Variants in OPRM1 observed in about 807,000 individuals in gnomAD.
OPRM1 encodes mu-type opioid receptor.
A neutral mutation model predicts 31.8 loss-of-function variants in OPRM1; 27 were observed. The observed-to-expected ratio is 0.85, with a 90% CI of 0.63 to 1.17. The LOEUF (loss-of-function observed/expected upper bound fraction) is 1.17. Ranked by LOEUF, OPRM1 falls within the 50% of genes most tolerant of loss-of-function variation. OPRM1 has a pLI of 0.00. For missense variants in OPRM1, 536 were observed against 511.1 expected, an observed-to-expected ratio of 1.05 and a Z score of -0.47; for synonymous variants, 196 against 189.9, an observed-to-expected ratio of 1.03 and a Z score of -0.26.
At chr6:154,211,640 G>A (rs1235367746) in intron 3 of OPRM1, among the ~76,000 whole-genome samples, 2 of 152,046 alleles carry the variant, frequency 1.3e-5, no homozygotes, top group African/African-American at 4.8e-5. Context: ...TGAAGGTGAT[G>A]GATAAATCTG....
intron 1 of OPRM1, chr6:154,086,733 A>G: frequency 2.0e-6 from 2 of 985,418 alleles, no homozygotes; most frequent in Non-Finnish European, 2.4e-6. Context: ...CTTAACATAA[A>G]ACACCATTAA....
In OPRM1 at chr6:154,090,831, T is replaced by C. The variant is rs1183268180; in HGVS notation, c.644-121T>C. Reference sequence around the variant, plus strand: ...ACAACTGAGTTTCTTCCACAATTTCTTTATAGCCTTAAGTTAGCTCTGGTC... The same window carrying C: ...ACAACTGAGTTTCTTCCACAATTTCCTTATAGCCTTAAGTTAGCTCTGGTC... On this transcript the variant is annotated intron_variant, in intron 2 of 3. Transcript: ENST00000330432. 1 of 815,912 alleles carries C rather than the reference T, an allele frequency of 1.2e-6. No homozygotes were observed. Among genetic ancestry groups the C allele is most frequent in the Non-Finnish European group, 1.9e-6 (1 of 518,784 alleles). The allele number at this position is 815,912 out of a possible 1,614,324, so 50.5% of individuals were successfully genotyped here.
At chr6:154,054,485 G>A (rs1782840607) in intron 1 of OPRM1, among the ~76,000 whole-genome samples, 1 of 152,074 alleles carries the variant, frequency 6.6e-6, no homozygotes, top group East Asian at 1.9e-4. Context: ...CTACCATGCA[G>A]CCAAGATCAA....
Position 154,122,175 on chromosome 6 carries a change from T to C in OPRM1, c.*3454T>C, listed in dbSNP as rs939096173. ...GCCACACACACACAAGTTGTGTTTG[T>C]ACAATTCTTGAGGTCAATCAGAACC... On this transcript the variant is annotated 3_prime_UTR_variant, in exon 4 of 4. Transcript: ENST00000330432. Among the ~76,000 whole-genome samples, 3 of 152,212 alleles carry C rather than the reference T, an allele frequency of 2.0e-5. No individual in the cohort carries two copies. The South Asian group carries it at 6.2e-4, about 31-fold the overall frequency.
At chr6:154,194,165 C>T (rs947125315) in intron 3 of OPRM1, among the ~76,000 whole-genome samples, 1 of 152,032 alleles carries the variant, frequency 6.6e-6, no homozygotes, top group Non-Finnish European at 1.5e-5. Context: ...TTTGGGAGGC[C>T]GAGGCGGGTG....
intron 1 of OPRM1, among the ~76,000 whole-genome samples, chr6:154,031,580 C>CA (rs562279254): frequency 9.4e-4 from 136 of 144,586 alleles, no homozygotes; most frequent in Admixed American, 3.9e-3. Context: ...ACTAAAAATA[C>CA]AAAAAAAAAA....
At chr6:154,155,762 C>G (rs1410031333) in intron 3 of OPRM1, 1 of 151,890 alleles carries the variant, frequency 6.6e-6, no homozygotes, top group Non-Finnish European at 1.5e-5. Context: ...GCCTGGGCAA[C>G]AGAGCAAGAC....
rs76678132 is a variant in OPRM1 at position 154,132,146 on chromosome 6, A to G, written c.*13425A>G. Among the ~76,000 whole-genome samples the G allele has an allele frequency of 3.5e-3, 538 of 152,344 alleles. 1 individual carries two copies. Among genetic ancestry groups the G allele is most frequent in the African/African-American group, 0.012 (513 of 41,574 alleles). On this transcript the variant is annotated 3_prime_UTR_variant, in exon 4 of 4. Coordinates refer to ENST00000330432, the MANE Select transcript of OPRM1 (RefSeq NM_000914.5). ...TGTGCAGATCAAAATGTCAACTAGT[A>G]TATCAAACAGTGAGCAATTCACTAA...
chr6:154,212,952 T>C (rs143644214), intron 3 of OPRM1: 1 of 813,428 alleles, frequency 1.2e-6, no homozygotes, highest in Admixed American at 2.1e-5. Flanking sequence ...TATTGCAATT[T>C]CAATCCAATT....
chr6:154,112,147 G>A (rs778866993), intron 3 of OPRM1, among the ~76,000 whole-genome samples: 23 of 152,188 alleles, frequency 1.5e-4, no homozygotes, highest in Non-Finnish European at 2.2e-4. Context: ...TCTAACATAT[G>A]TGTCTAAGTA....
At position 154,020,618 on chromosome 6, in the gene OPRM1, G is replaced by A. The variant is rs574186989; in HGVS notation, c.-1+9600G>A. On this transcript the variant is annotated intron_variant, in intron 1 of 5. Transcript: ENST00000434900. ...TATGGCATTTGGGATTTTGTCTTTC[G>A]GATTATGATCGGCACTGTGAACAGC... Among the ~76,000 whole-genome samples the A allele has an allele frequency of 1.8e-4, 28 of 152,234 alleles. 1 individual carries two copies. The highest frequency in any genetic ancestry group is 1.4e-3 in the Admixed American group (22 of 15,292).
intron 3 of OPRM1, among the ~76,000 whole-genome samples, chr6:154,196,094 T>C (rs1476706052): frequency 6.6e-5 from 10 of 152,120 alleles, no homozygotes; most frequent in Non-Finnish European, 1.5e-5. Context: ...CCAGTCCCCC[T>C]GGTTCACATT....
chr6:154,064,127 C>T (rs538089611), intron 1 of OPRM1, among the ~76,000 whole-genome samples: 1 of 152,180 alleles, frequency 6.6e-6, no homozygotes, highest in South Asian at 2.1e-4. Flanking sequence ...TTCATATCCC[C>T]ACCAACACTT....
At chr6:154,037,721 T>G (rs557413764), upstream of OPRM1, among the ~76,000 whole-genome samples, 3 of 152,290 alleles carry the variant, frequency 2.0e-5, 1 homozygote, top group South Asian at 4.1e-4. Context: ...AACAGACATA[T>G]GAGGTGAATA....
Position 154,091,294 on chromosome 6 carries a change from C to A in OPRM1, c.986C>A (p.Thr329Lys), listed in dbSNP as rs1327220191. The change falls in exon 3 of 4, where the codon ACA becomes AAA. Residue 329 changes from threonine (T) to lysine (K), a missense_variant. Coordinates refer to ENST00000330432, the MANE Select transcript of OPRM1 (RefSeq NM_000914.5). ...SWHFCIALGY[T>K]NSCLNPVLYA... ...CACTTCTGCATTGCTCTAGGTTACACAAACAGCTGCCTCAACCCAGTCCTT... is the reference window on the plus strand; with the variant it reads ...CACTTCTGCATTGCTCTAGGTTACAAAAACAGCTGCCTCAACCCAGTCCTT... 6.2e-7 allele frequency: 1 copy of A among 1,614,204 alleles called. No homozygotes were observed. Among genetic ancestry groups the A allele is most frequent in the Admixed American group, 1.7e-5 (1 of 60,012 alleles).
chr6:154,057,476 C>T (rs1185090491), intron 1 of OPRM1, among the ~76,000 whole-genome samples: 1 of 152,162 alleles, frequency 6.6e-6, no homozygotes, highest in Non-Finnish European at 1.5e-5. Flanking sequence ...TATAGCTCAC[C>T]TTATTCCATC....
At chr6:154,211,500 G>T (rs1451046760) in intron 3 of OPRM1, among the ~76,000 whole-genome samples, 1 of 151,748 alleles carries the variant, frequency 6.6e-6, no homozygotes, top group Non-Finnish European at 1.5e-5. Context: ...GGACACTTGA[G>T]CATGCCATTC....
intron 3 of OPRM1, among the ~76,000 whole-genome samples, chr6:154,236,863 C>A (rs961705032): frequency 2.0e-5 from 3 of 152,144 alleles, no homozygotes; most frequent in Non-Finnish European, 4.4e-5. Context: ...TGTAGAGATT[C>A]TACATTGTGA....
At chr6:154,056,658 G>GAGATCAATGGA (rs1238767083) in intron 1 of OPRM1, among the ~76,000 whole-genome samples, 1 of 151,884 alleles carries the variant, frequency 6.6e-6, no homozygotes, top group East Asian at 1.9e-4. Flanking sequence ...TGGGAACAAG[G>GAGATCAATGGA]AGATCAATGG....
Sources: allele counts gnomAD v4.1 joint callset (sites outside exome capture counted in the v4.1 genomes callset), GRCh38; gene constraint gnomAD v4.1.1; transcripts MANE v1.5; gene names NCBI Gene and HGNC (gene_info 2026-07-23, HGNC 2026-07-21).